IAH1: variants seen among roughly 807,000 people sequenced by gnomAD.
IAH1 encodes isoamyl acetate-hydrolyzing esterase 1 homolog.
Under a neutral mutation model 26.7 loss-of-function variants are expected in IAH1, and 24 were observed. That is an observed-to-expected ratio of 0.90 (90% confidence interval 0.65 to 1.26). The LOEUF is 1.26. Ranked by LOEUF, IAH1 falls within the 50% of genes most tolerant of loss-of-function variation. The pLI, the probability that IAH1 is intolerant of heterozygous loss-of-function variation, is 0.00. For missense variants in IAH1, 300 were observed against 299.9 expected (o/e 1.00, Z 0.00); for synonymous variants, 140 against 118.5 (o/e 1.18, Z -1.18).
In IAH1 at chr2:9,474,663, C is replaced by T. The variant is rs1682369999; in HGVS notation, c.81+16C>T. 3 of 1,530,844 alleles carry T rather than the reference C, an allele frequency of 2.0e-6. No individual in the cohort carries two copies. The highest frequency in any genetic ancestry group is 1.2e-5 in the South Asian group (1 of 83,296). The allele number at this position is 1,530,844 out of a possible 1,614,324, so 94.8% of individuals were successfully genotyped here. A position where few individuals can be genotyped will look rare whatever the true frequency, so the allele number is the denominator to read the frequency against. ...CATCACCCAGGTACGGCCGCCCCGACGCTCGGCCTCCCGCCCCGGCCTCCC... is the reference window on the plus strand; with the variant it reads ...CATCACCCAGGTACGGCCGCCCCGATGCTCGGCCTCCCGCCCCGGCCTCCC... On this transcript the variant is annotated intron_variant, in intron 1 of 5. Transcript: ENST00000497473. This position sits in a 1 kb window ranked among gnomAD's most constrained non-coding sequence, Gnocchi z 4.3.
the IAH1 span, among the ~76,000 whole-genome samples, chr2:9,506,613 C>T: frequency 1.3e-5 from 2 of 152,130 alleles, no homozygotes; most frequent in South Asian, 2.1e-4. Flanking sequence ...GATCTGCCCA[C>T]CTCGGTCTCC....
At chr2:9,479,328 G>T (rs1394617553) in intron 3 of IAH1, among the ~76,000 whole-genome samples, 1 of 152,106 alleles carries the variant, frequency 6.6e-6, no homozygotes, top group Non-Finnish European at 1.5e-5. Flanking sequence ...AGGAAAAACA[G>T]GTTTATGAAA....
chr2:9,506,713 C>G, the IAH1 span: 2 of 152,308 alleles, frequency 1.3e-5, no homozygotes, highest in South Asian at 4.2e-4. Flanking sequence ...TTATTCTAAT[C>G]GGGGCCTCAG....
chr2:9,482,779 C>CCA (rs1272640514), intron 4 of IAH1, among the ~76,000 whole-genome samples: 2 of 152,220 alleles, frequency 1.3e-5, no homozygotes, highest in African/African-American at 2.4e-5. Context: ...CCAAGGGGTG[C>CCA]CACACACCGG....
At position 9,489,318 on chromosome 2, in the gene IAH1, T is replaced by G. The variant is rs371153381; in HGVS notation, c.*989T>G. On this transcript the variant is annotated 3_prime_UTR_variant, in exon 6 of 6. Transcript: ENST00000497473. ...TCTCACTCTGTCACCCAGGCTGGAG[T>G]GTAGTGGCGCAACCTCAGCCTCTCC... The G allele has an allele frequency of 1.2e-4, 17 of 141,896 alleles. No individual in the cohort carries two copies. Among genetic ancestry groups the G allele is most frequent in the African/African-American group, 4.7e-4 (17 of 36,468 alleles). The allele number at this position is 141,896 out of a possible 1,614,324, so 8.8% of individuals were successfully genotyped here.
chr2:9,495,447 T>C (rs1662498507), intron 6 of IAH1, among the ~76,000 whole-genome samples: 1 of 152,154 alleles, frequency 6.6e-6, no homozygotes. Flanking sequence ...GAGCAGTGGC[T>C]CTCGCTTGTA....
chr2:9,474,525 T>C (rs1682353042), upstream of IAH1: 12 of 1,334,618 alleles, frequency 9.0e-6, no homozygotes, highest in Admixed American at 9.8e-5. The surrounding 1 kb of genome is among the most constrained non-coding windows in gnomAD (Gnocchi z 4.3). Flanking sequence ...CGCAGGCGCC[T>C]CTCGTGGCTG....
chr2:9,487,823 TGTGTGTGTGTGCGCGC>T (rs749601403), intron 5 of IAH1, among the ~76,000 whole-genome samples: 1,428 of 97,302 alleles, frequency 0.015, 6 homozygotes, highest in African/African-American at 0.018. Context: ...TGTGTGTGTG[TGTGTGTGTGTGCGCGC>T]GCGCGCGCGC....
At chr2:9,494,810 C>G in exon 6 of IAH1, 1 of 1,605,822 alleles carries the variant, frequency 6.2e-7, no homozygotes, top group Non-Finnish European at 8.5e-7. Context: ...TGTTCTGAGA[C>G]CTGCCTCTCC....
At chr2:9,495,499 G>A (rs1355213927) in intron 6 of IAH1, among the ~76,000 whole-genome samples, 1 of 152,082 alleles carries the variant, frequency 6.6e-6, no homozygotes, top group Non-Finnish European at 1.5e-5. Context: ...GATCACTTGA[G>A]GCCAGGAGTT....
chr2:9,482,848 G>C (rs1212773234), intron 4 of IAH1, among the ~76,000 whole-genome samples: 2 of 152,228 alleles, frequency 1.3e-5, no homozygotes, highest in East Asian at 3.9e-4. Flanking sequence ...GTAGGTTCTG[G>C]GCATCACATC....
At chr2:9,494,322 TAGTC>T (rs769210613), downstream of IAH1, among the ~76,000 whole-genome samples, 9 of 152,322 alleles carry the variant, frequency 5.9e-5, no homozygotes, top group South Asian at 4.1e-4. Context: ...TTTGCAATCT[TAGTC>T]AGTTCTGTAA....
chr2:9,475,208 C>A (rs1479087750), intron 1 of IAH1: 1 of 1,289,318 alleles, frequency 7.8e-7, no homozygotes, highest in East Asian at 5.6e-5. Context: ...GAACGGTCTT[C>A]TAAATGCAGG....
chr2:9,493,582 T>C (rs1662330274), downstream of IAH1, among the ~76,000 whole-genome samples: 1 of 152,254 alleles, frequency 6.6e-6, no homozygotes, highest in Non-Finnish European at 1.5e-5. Context: ...AGACTATCTA[T>C]GAGTTCATTT....
At chr2:9,493,663 C>T, downstream of IAH1, 1 of 1,184,108 alleles carries the variant, frequency 8.4e-7, no homozygotes, top group Non-Finnish European at 1.2e-6. Flanking sequence ...AGAATTAAAG[C>T]ACATCACTCT....
chr2:9,499,696 C>T (rs1426140652), downstream of IAH1, among the ~76,000 whole-genome samples: 2 of 152,050 alleles, frequency 1.3e-5, no homozygotes, highest in African/African-American at 2.4e-5. Context: ...GCCACTGTGC[C>T]GGGCCATCAG....
the IAH1 span, among the ~76,000 whole-genome samples, chr2:9,508,367 C>T: frequency 3.3e-5 from 5 of 152,276 alleles, no homozygotes; most frequent in Admixed American, 6.5e-5. Flanking sequence ...TCTACATCCG[C>T]GCTACTTTTC....
At chr2:9,475,635 G>A (rs1682443632) in intron 1 of IAH1, 2 of 297,432 alleles carry the variant, frequency 6.7e-6, no homozygotes, top group Non-Finnish European at 1.3e-5. Flanking sequence ...CGAGTAGCTG[G>A]GATTATAGAC....
the IAH1 span, among the ~76,000 whole-genome samples, chr2:9,508,677 A>C: frequency 5.9e-5 from 9 of 152,182 alleles, no homozygotes; most frequent in African/African-American, 2.2e-4. Flanking sequence ...GCCACATTTC[A>C]ATTGCTCCAC....
Sources: allele counts gnomAD v4.1 joint callset (sites outside exome capture counted in the v4.1 genomes callset), GRCh38; gene constraint gnomAD v4.1.1; non-coding constraint Gnocchi (gnomAD v3.1); transcripts MANE v1.5; gene names NCBI Gene and HGNC (gene_info 2026-07-23, HGNC 2026-07-21).